The following OR5AC2 variants were observed in gnomAD, a reference collection of about 807,000 sequenced individuals.
OR5AC2 encodes olfactory receptor 5AC2.
For missense variants in OR5AC2, 448 were observed against 375.3 expected (o/e 1.19, Z -1.60); for synonymous variants, 172 against 136.3 (o/e 1.26, Z -1.82).
chr3:98,087,820 C>A lies in OR5AC2; in HGVS notation c.648C>A (p.Ile216=). Residue 216 remains isoleucine (I), a synonymous_variant, in exon 1 of 1, where the codon ATC becomes ATA. Transcript: ENST00000358642. ...AFIQIPTLMT[I]IISYTRVLFD... Reference sequence around the variant, plus strand: ...TACAAATACCCACTTTAATGACTATCATAATCTCTTATACTCGTGTGCTCT... The same window carrying A: ...TACAAATACCCACTTTAATGACTATAATAATCTCTTATACTCGTGTGCTCT... 1 of 1,609,578 alleles carries A rather than the reference C, an allele frequency of 6.2e-7. No individual in the cohort carries two copies. Among genetic ancestry groups the A allele is most frequent in the Non-Finnish European group, 8.5e-7 (1 of 1,176,762 alleles).
Position 98,087,475 on chromosome 3 carries a change from C to G in OR5AC2, c.303C>G (p.Thr101=). The G allele has an allele frequency of 6.2e-7, 1 of 1,614,168 alleles. No individual in the cohort carries two copies. The highest frequency in any genetic ancestry group is 8.5e-7 in the Non-Finnish European group (1 of 1,180,026). ...TAMISLAECI[T]QFYFFASSAT... ...TGATATCCCTAGCTGAGTGCATCAC[C>G]CAGTTTTACTTTTTTGCTTCCAGTG... Residue 101 remains threonine (T), a synonymous_variant, in exon 1 of 1, where the codon ACC becomes ACG. Transcript: ENST00000358642.
chr3:98,087,429 A>T lies in OR5AC2; in HGVS notation c.257A>T (p.Asn86Ile), dbSNP rs1707772747. Residue 86 changes from asparagine to isoleucine, a missense_variant, in exon 1 of 1, where the codon AAT becomes ATT. Transcript: ENST00000358642. ...TCTATAACCCCTAGGATGCTGGTCA[A>T]TTTCTTAGACAAGACTGCAATGATA... The part of the protein sequence containing the change: ...STSITPRMLV[N>I]FLDKTAMISL... The T allele has an allele frequency of 1.9e-6, 3 of 1,614,112 alleles. No homozygotes were observed. The highest frequency in any genetic ancestry group is 2.7e-5 in the African/African-American group (2 of 74,992).
Position 98,088,089 on chromosome 3 carries a change from T to A in OR5AC2, c.917T>A (p.Val306Asp). The A allele has an allele frequency of 6.3e-7, 1 of 1,594,152 alleles. No individual in the cohort carries two copies. Among genetic ancestry groups the A allele is most frequent in the Admixed American group, 1.7e-5 (1 of 57,474 alleles). ...NKKVMHALRR[V>D]IRK is the part of the protein sequence containing the mutation. ...AAAGTCATGCATGCATTGAGAAGAG[T>A]TATAAGGAAGTAAACAGTTCCAAAG... The change falls in exon 1 of 1, where the codon GTT (valine) becomes GAT (aspartate). Residue 306 changes from valine to aspartate, a missense_variant. Coordinates refer to ENST00000358642, the MANE Select transcript of OR5AC2 (RefSeq NM_054106.1).
At position 98,087,837 on chromosome 3, in the gene OR5AC2, G is replaced by T. The variant is rs200290395; in HGVS notation, c.665G>T (p.Arg222Leu). Reference sequence around the variant, plus strand: ...ATGACTATCATAATCTCTTATACTCGTGTGCTCTTTGATATTCTGAAAAAA... The same window carrying T: ...ATGACTATCATAATCTCTTATACTCTTGTGCTCTTTGATATTCTGAAAAAA... ...TLMTIIISYT[R>L]VLFDILKKKS... The change falls in exon 1 of 1, where the codon CGT (arginine) becomes CTT (leucine). Residue 222 changes from arginine (R) to leucine (L), a missense_variant. Physicochemically the swap from Arg to Leu is moderately radical, Grantham distance 102 (BLOSUM62 -2). Coordinates refer to ENST00000358642, the MANE Select transcript of OR5AC2 (RefSeq NM_054106.1). 5 of 1,611,230 alleles carry T rather than the reference G, an allele frequency of 3.1e-6. No individual in the cohort carries two copies. The highest frequency in any genetic ancestry group is 1.7e-4 in the Middle Eastern group (1 of 6,056).
Position 98,087,861 on chromosome 3 carries a change from A to T in OR5AC2, c.689A>T (p.Lys230Ile), listed in dbSNP as rs777465771. 1 of 1,612,962 alleles carries T rather than the reference A, an allele frequency of 6.2e-7. No homozygotes were observed. The highest frequency in any genetic ancestry group is 8.5e-7 in the Non-Finnish European group (1 of 1,179,252). The change falls in exon 1 of 1, where the codon AAA becomes ATA. Residue 230 changes from lysine (K) to isoleucine (I), a missense_variant. Lys to Ile is a moderately radical substitution (Grantham distance 102). Transcript: ENST00000358642. Reference sequence around the variant, plus strand: ...CGTGTGCTCTTTGATATTCTGAAAAAAAAGTCTGAAAAGGGCAGAAGCAAA... The same window carrying T: ...CGTGTGCTCTTTGATATTCTGAAAATAAAGTCTGAAAAGGGCAGAAGCAAA... ...YTRVLFDILKKKSEKGRSKAF... is the reference protein window; with the variant it reads ...YTRVLFDILKIKSEKGRSKAF...
chr3:98,087,858 A>G lies in OR5AC2; in HGVS notation c.686A>G (p.Lys229Arg). The change falls in exon 1 of 1, where the codon AAA becomes AGA. Residue 229 changes from lysine (K) to arginine (R), a missense_variant. Transcript: ENST00000358642. The stretch of plus-strand genomic sequence containing the variant: ...ACTCGTGTGCTCTTTGATATTCTGA[A>G]AAAAAAGTCTGAAAAGGGCAGAAGC... ...SYTRVLFDIL[K>R]KKSEKGRSKA... 1 of 1,612,952 alleles carries G rather than the reference A, an allele frequency of 6.2e-7. No homozygotes were observed. Among genetic ancestry groups the G allele is most frequent in the South Asian group, 1.1e-5 (1 of 91,056 alleles).
Position 98,087,301 on chromosome 3 carries a change from C to T in OR5AC2, c.129C>T (p.Gly43=), listed in dbSNP as rs747025234. The change falls in exon 1 of 1, where the codon GGC becomes GGT. Residue 43 remains glycine (G), a synonymous_variant. Transcript: ENST00000358642. ...TGGTCTATCTCATCACCATGGTGGG[C>T]AACCTTGGACTGATAGTTCTAATTT... ...FLVVYLITMV[G]NLGLIVLIWN... is the part of the protein sequence containing the mutation. 5 of 1,614,172 alleles carry T rather than the reference C, an allele frequency of 3.1e-6. No homozygotes were observed. In the Admixed American group the frequency reaches 8.3e-5, roughly 27 times the overall value.
rs4518168 is a variant in OR5AC2 at position 98,087,772 on chromosome 3, G to A, written c.600G>A (p.Met200Ile). The A allele has an allele frequency of 0.51, 811,100 of 1,604,372 alleles. 205,809 individuals are homozygous for A. Among genetic ancestry groups the A allele is most frequent in the South Asian group, 0.54 (49,212 of 90,750 alleles). ...SCNGPSINALMIFIFGAFIQI... is the reference protein window; with the variant it reads ...SCNGPSINALIIFIFGAFIQI... Reference sequence around the variant, plus strand: ...ATGGTCCATCTATTAACGCACTAATGATATTTATTTTTGGTGCTTTTATAC... The same window carrying A: ...ATGGTCCATCTATTAACGCACTAATAATATTTATTTTTGGTGCTTTTATAC... The change falls in exon 1 of 1, where the codon ATG becomes ATA. Residue 200 changes from methionine (M) to isoleucine (I), a missense_variant. Met to Ile is a conservative substitution (Grantham distance 10, BLOSUM62 1). Coordinates refer to ENST00000358642, the MANE Select transcript of OR5AC2 (RefSeq NM_054106.1).
In OR5AC2 at chr3:98,087,645, C is replaced by A. The variant is rs1454962340; in HGVS notation, c.473C>A (p.Pro158His). ...SISYVIGFLHPLVHVSLLLRL... is the reference protein window; with the variant it reads ...SISYVIGFLHHLVHVSLLLRL... ...TCATATGTAATTGGTTTCCTGCATCCTCTGGTTCATGTGAGTTTACTATTG... is the reference window on the plus strand; with the variant it reads ...TCATATGTAATTGGTTTCCTGCATCATCTGGTTCATGTGAGTTTACTATTG... The change falls in exon 1 of 1, where the codon CCT becomes CAT. Residue 158 changes from proline (P) to histidine (H), a missense_variant. Pro to His is a moderately conservative substitution (Grantham distance 77). Coordinates refer to ENST00000358642, the MANE Select transcript of OR5AC2 (RefSeq NM_054106.1). 6.2e-7 allele frequency: 1 copy of A among 1,613,436 alleles called. No homozygotes were observed.
Position 98,087,785 on chromosome 3 carries a change from G to T in OR5AC2, c.613G>T (p.Gly205Cys). 1 of 1,605,438 alleles carries T rather than the reference G, an allele frequency of 6.2e-7. No individual in the cohort carries two copies. Among genetic ancestry groups the T allele is most frequent in the South Asian group, 1.1e-5 (1 of 90,652 alleles). ...SINALMIFIF[G>C]AFIQIPTLMT... ...TAACGCACTAATGATATTTATTTTT[G>T]GTGCTTTTATACAAATACCCACTTT... Residue 205 changes from glycine (G) to cysteine (C), a missense_variant, in exon 1 of 1, where the codon GGT (glycine) becomes TGT (cysteine). By Grantham distance (159) the Gly-to-Cys change is radical. Coordinates refer to ENST00000358642, the MANE Select transcript of OR5AC2 (RefSeq NM_054106.1).
rs371257050 is a variant in OR5AC2 at position 98,087,836 on chromosome 3, C to A, written c.664C>A (p.Arg222Ser). 9.8e-4 allele frequency: 1,580 copies of A among 1,611,634 alleles called. 34 individuals carry two copies. The South Asian group carries it at 0.016, about 17-fold the overall frequency. ...AATGACTATCATAATCTCTTATACTCGTGTGCTCTTTGATATTCTGAAAAA... is the reference window on the plus strand; with the variant it reads ...AATGACTATCATAATCTCTTATACTAGTGTGCTCTTTGATATTCTGAAAAA... ...TLMTIIISYT[R>S]VLFDILKKKS... The change falls in exon 1 of 1, where the codon CGT becomes AGT. Residue 222 changes from arginine to serine, a missense_variant. Transcript: ENST00000358642.
Position 98,087,580 on chromosome 3 carries a change from G to A in OR5AC2, c.408G>A (p.Val136=), listed in dbSNP as rs1384496381. 6.2e-7 allele frequency: 1 copy of A among 1,614,016 alleles called. No homozygotes were observed. The highest frequency in any genetic ancestry group is 1.1e-5 in the South Asian group (1 of 91,084). The change falls in exon 1 of 1, where the codon GTG becomes GTA. Residue 136 remains valine, a synonymous_variant. Transcript: ENST00000358642. The part of the protein sequence containing the change: ...VAICNPLLYP[V]MMSNKLSAQL... ...TATGTAATCCCTTGCTTTATCCAGT[G>A]ATGATGTCCAACAAACTCAGCGCTC... is the stretch of plus-strand genomic sequence containing the variant.
rs751237804 is a variant in OR5AC2 at position 98,087,232 on chromosome 3, A to G, written c.60A>G (p.Thr20=). 16 of 1,613,958 alleles carry G rather than the reference A, an allele frequency of 9.9e-6. No individual in the cohort carries two copies. Among genetic ancestry groups the G allele is most frequent in the Non-Finnish European group, 1.4e-5 (16 of 1,179,976 alleles). The change falls in exon 1 of 1, where the codon ACA becomes ACG. Residue 20 remains threonine (T), a synonymous_variant. Transcript: ENST00000358642. ...CAGAGTTTGTTCTCACAGGACTTAC[A>G]GATCGACCATGGCTGCACGTCCTCT... ...LVTEFVLTGL[T]DRPWLHVLFF...
chr3:98,087,941 C>G lies in OR5AC2; in HGVS notation c.769C>G (p.Leu257Val), dbSNP rs772170864. ...LLSVSLYYGT[L>V]IFMYVRPASG... is the part of the protein sequence containing the mutation. ...TTCTGTCTCATTGTACTACGGAACT[C>G]TGATCTTCATGTATGTGCGTCCTGC... The change falls in exon 1 of 1, where the codon CTG becomes GTG. Residue 257 changes from leucine (L) to valine (V), a missense_variant. Leu to Val is a conservative substitution (Grantham distance 32, BLOSUM62 1). Transcript: ENST00000358642. The G allele has an allele frequency of 6.2e-7, 1 of 1,614,180 alleles. No homozygotes were observed. The highest frequency in any genetic ancestry group is 1.7e-5 in the Admixed American group (1 of 60,024).
chr3:98,087,467 T>A lies in OR5AC2; in HGVS notation c.295T>A (p.Cys99Ser), dbSNP rs778942223. The stretch of plus-strand genomic sequence containing the variant: ...GACTGCAATGATATCCCTAGCTGAG[T>A]GCATCACCCAGTTTTACTTTTTTGC... ...DKTAMISLAE[C>S]ITQFYFFASS... The change falls in exon 1 of 1, where the codon TGC becomes AGC. Residue 99 changes from cysteine (C) to serine (S), a missense_variant. Coordinates refer to ENST00000358642, the MANE Select transcript of OR5AC2 (RefSeq NM_054106.1). 15 of 1,614,098 alleles carry A rather than the reference T, an allele frequency of 9.3e-6. No homozygotes were observed. The Admixed American group carries it at 2.5e-4, about 27-fold the overall frequency.
chr3:98,087,237 G>A lies in OR5AC2; in HGVS notation c.65G>A (p.Arg22Gln), dbSNP rs1367798860. 3 of 1,613,988 alleles carry A rather than the reference G, an allele frequency of 1.9e-6. No individual in the cohort carries two copies. Among genetic ancestry groups the A allele is most frequent in the South Asian group, 2.2e-5 (2 of 91,052 alleles). The change falls in exon 1 of 1, where the codon CGA (arginine) becomes CAA (glutamine). Residue 22 changes from arginine to glutamine, a missense_variant. Coordinates refer to ENST00000358642, the MANE Select transcript of OR5AC2 (RefSeq NM_054106.1). ...TTTGTTCTCACAGGACTTACAGATC[G>A]ACCATGGCTGCACGTCCTCTTCTTT... is the stretch of plus-strand genomic sequence containing the variant. ...TEFVLTGLTD[R>Q]PWLHVLFFVV...
Position 98,088,088 on chromosome 3 carries a change from G to A in OR5AC2, c.916G>A (p.Val306Ile). The change falls in exon 1 of 1, where the codon GTT (valine) becomes ATT (isoleucine). Residue 306 changes from valine to isoleucine, a missense_variant. Coordinates refer to ENST00000358642, the MANE Select transcript of OR5AC2 (RefSeq NM_054106.1). The stretch of plus-strand genomic sequence containing the variant: ...AAAAGTCATGCATGCATTGAGAAGA[G>A]TTATAAGGAAGTAAACAGTTCCAAA... ...NKKVMHALRRVIRK is the reference protein window; with the variant it reads ...NKKVMHALRRIIRK The A allele has an allele frequency of 6.3e-7, 1 of 1,593,936 alleles. No homozygotes were observed. The highest frequency in any genetic ancestry group is 1.3e-5 in the African/African-American group (1 of 74,214).
rs4518168 is a variant in OR5AC2 at position 98,087,772 on chromosome 3, G to T, written c.600G>T (p.Met200Ile). ...SCNGPSINALMIFIFGAFIQI... is the reference protein window; with the variant it reads ...SCNGPSINALIIFIFGAFIQI... The stretch of plus-strand genomic sequence containing the variant: ...ATGGTCCATCTATTAACGCACTAAT[G>T]ATATTTATTTTTGGTGCTTTTATAC... The change falls in exon 1 of 1, where the codon ATG becomes ATT. Residue 200 changes from methionine (M) to isoleucine (I), a missense_variant. Coordinates refer to ENST00000358642, the MANE Select transcript of OR5AC2 (RefSeq NM_054106.1). 5 of 1,605,686 alleles carry T rather than the reference G, an allele frequency of 3.1e-6. No individual in the cohort carries two copies. The highest frequency in any genetic ancestry group is 3.4e-6 in the Non-Finnish European group (4 of 1,173,592).
rs1576077179 is a variant in OR5AC2, at chr3:98,087,816, C to T, written c.644C>T (p.Thr215Ile). Residue 215 changes from threonine to isoleucine, a missense_variant, in exon 1 of 1, where the codon ACT becomes ATT. Thr to Ile is a moderately conservative substitution (Grantham distance 89). Transcript: ENST00000358642. ...TTTATACAAATACCCACTTTAATGA[C>T]TATCATAATCTCTTATACTCGTGTG... is the stretch of plus-strand genomic sequence containing the variant. ...GAFIQIPTLMTIIISYTRVLF... is the reference protein window; with the variant it reads ...GAFIQIPTLMIIIISYTRVLF... The T allele has an allele frequency of 6.2e-7, 1 of 1,608,224 alleles. No individual in the cohort carries two copies. Among genetic ancestry groups the T allele is most frequent in the Non-Finnish European group, 8.5e-7 (1 of 1,175,920 alleles).
Sources: gnomAD v4.1 joint callset for allele counts on GRCh38, gnomAD v4.1.1 for gene constraint, MANE v1.5 for transcripts, NCBI Gene and HGNC (gene_info 2026-07-23, HGNC 2026-07-21) for gene names.